Variants in TJP1 observed in about 807,000 individuals in gnomAD.
The protein encoded by TJP1 is tight junction protein ZO-1.
Under a neutral mutation model 194.2 loss-of-function variants are expected in TJP1, and 43 were observed. The ratio of observed to expected loss-of-function variants is 0.22; its 90% confidence interval spans 0.17 to 0.29. TJP1 has a LOEUF of 0.29. Among genes scored for constraint, TJP1 ranks in the 10% least tolerant of loss-of-function variants. The probability of loss-of-function intolerance (pLI) is 1.00; values close to 1 mark genes in which losing one functional copy is unlikely to be tolerated. For synonymous variants in TJP1, 801 were observed against 779.0 expected, an observed-to-expected ratio of 1.03 and a Z score of -0.47; for missense variants, 1,971 against 2,185.7, an observed-to-expected ratio of 0.90 and a Z score of 1.96.
In TJP1 at chr15:29,905,615, C is replaced by T. The variant is rs529711168; in HGVS notation, c.306+50617G>A. Among the ~76,000 whole-genome samples, 26 of 152,260 alleles carry T rather than the reference C, an allele frequency of 1.7e-4. No homozygotes were observed. The South Asian group carries it at 5.0e-3, about 29-fold the overall frequency. On this transcript the variant is annotated intron_variant, in intron 2 of 28. Coordinates refer to the TJP1 transcript ENST00000356107. ...CAAAACCTGGGAGTAACCAAGATGT[C>T]CTCAAACAGGTGAATGAATAAACAA...
At chr15:29,820,938 C>CCT (rs1216560141) in intron 1 of TJP1, among the ~76,000 whole-genome samples, 1 of 152,198 alleles carries the variant, frequency 6.6e-6, no homozygotes, top group Non-Finnish European at 1.5e-5. Context: ...GTTTCAGAGG[C>CCT]ATAGTATTCC....
chr15:29,716,025 G>A (rs1184519669), intron 23 of TJP1, among the ~76,000 whole-genome samples: 1 of 152,074 alleles, frequency 6.6e-6, no homozygotes, highest in Non-Finnish European at 1.5e-5. Flanking sequence ...ACAAACCCAC[G>A]CAGGCACAAG....
At chr15:29,794,190 A>G (rs1437515389) in intron 2 of TJP1, among the ~76,000 whole-genome samples, 1 of 152,182 alleles carries the variant, frequency 6.6e-6, no homozygotes, top group Non-Finnish European at 1.5e-5. Context: ...CAAACAAAAA[A>G]CAACCAAAAA....
In TJP1 at chr15:29,817,406, T is replaced by G. The variant is rs184191798; in HGVS notation, c.27+4596A>C. On this transcript the variant is annotated intron_variant, in intron 1 of 27. Coordinates refer to ENST00000614355, the MANE Select transcript of TJP1 (RefSeq NM_001330239.4). ...GTGGGAATGTAAATTAGTTCAACCA[T>G]TGTGGAAGATAGTATGGCAATTCCT... 3.3e-5 allele frequency among the ~76,000 whole-genome samples: 5 copies of G among 152,272 alleles called. No homozygotes were observed. In the East Asian group the frequency reaches 9.7e-4, roughly 29 times the overall value.
chr15:29,968,613 G>A, intron 1 of TJP1: 1 of 963,268 alleles, frequency 1.0e-6, no homozygotes, highest in Non-Finnish European at 1.2e-6. Context: ...TCCGGCCCCC[G>A]CCCCGCTCCG....
chr15:29,886,365 A>C (rs1471252702), intron 2 of TJP1, among the ~76,000 whole-genome samples: 1 of 152,146 alleles, frequency 6.6e-6, no homozygotes, highest in Admixed American at 6.5e-5. Context: ...AGAAAACAAA[A>C]CCTAAATATT....
intron 2 of TJP1, among the ~76,000 whole-genome samples, chr15:29,942,150 C>A (rs1449119063): frequency 1.3e-5 from 2 of 152,210 alleles, no homozygotes; most frequent in African/African-American, 2.4e-5. Context: ...TTCATTAAGA[C>A]CCAAATTTCT....
intron 2 of TJP1, among the ~76,000 whole-genome samples, chr15:29,799,572 G>A (rs1034995487): frequency 1.7e-4 from 26 of 151,704 alleles, no homozygotes; most frequent in Admixed American, 1.6e-3. Context: ...CCGCCACCAC[G>A]CCTGGCTAAT....
intron 2 of TJP1, among the ~76,000 whole-genome samples, chr15:29,909,156 CAA>C (rs1228556468): frequency 1.2e-4 from 10 of 84,020 alleles, no homozygotes; most frequent in Non-Finnish European, 1.4e-4. Context: ...GACTCCATCT[CAA>C]AAAAAAAAAA....
intron 2 of TJP1, among the ~76,000 whole-genome samples, chr15:29,791,419 T>TTC (rs1315841343): frequency 2.9e-5 from 4 of 136,716 alleles, no homozygotes; most frequent in East Asian, 4.2e-4. Flanking sequence ...TATTCTTTTT[T>TTC]TTTTTTTTTT....
intron 11 of TJP1, among the ~76,000 whole-genome samples, chr15:29,735,556 C>T (rs1218346382): frequency 1.4e-5 from 2 of 147,330 alleles, no homozygotes; most frequent in Admixed American, 6.8e-5. Context: ...CACTGCATTC[C>T]AGCCTGGGTG....
At chr15:29,838,660 T>C (rs985102193) in intron 2 of TJP1, among the ~76,000 whole-genome samples, 3 of 152,034 alleles carry the variant, frequency 2.0e-5, no homozygotes, top group Non-Finnish European at 4.4e-5. Flanking sequence ...TCTGCAACTT[T>C]ATCACAATGT....
At chr15:29,893,037 C>T (rs998776175) in intron 2 of TJP1, among the ~76,000 whole-genome samples, 18 of 152,240 alleles carry the variant, frequency 1.2e-4, no homozygotes, top group African/African-American at 4.1e-4. Context: ...ATTTTAGATG[C>T]CATTAAGAAT....
In TJP1 at chr15:29,761,213, C is replaced by T. The variant is rs1595794004; in HGVS notation, c.936G>A (p.Arg312=). 1 of 1,614,122 alleles carries T rather than the reference C, an allele frequency of 6.2e-7. No homozygotes were observed. The highest frequency in any genetic ancestry group is 8.5e-7 in the Non-Finnish European group (1 of 1,180,014). ...CTGACCGCTGGTCAGGAGATCGTGA[C>T]CGGCTGCGGCGGGGAGGCCTATCGT... ...RSHDRPPRRS[R]SRSPDQRSEP... is the part of the protein sequence containing the mutation. The change falls in exon 8 of 28, where the codon CGG becomes CGA. Residue 312 remains arginine, a synonymous_variant. Transcript: ENST00000614355.
At chr15:29,706,019 T>A (rs2041875743) in intron 25 of TJP1, among the ~76,000 whole-genome samples, 1 of 152,090 alleles carries the variant, frequency 6.6e-6, no homozygotes, top group African/African-American at 2.4e-5. Flanking sequence ...GCAACCTCCA[T>A]CTCCCAGGTT....
chr15:29,933,155 T>C (rs2054775307), intron 2 of TJP1, among the ~76,000 whole-genome samples: 1 of 152,176 alleles, frequency 6.6e-6, no homozygotes, highest in Admixed American at 6.5e-5. Context: ...TACATATACA[T>C]AGATGCACAA....
At chr15:29,916,328 T>C (rs1374437876) in intron 2 of TJP1, among the ~76,000 whole-genome samples, 1 of 151,972 alleles carries the variant, frequency 6.6e-6, no homozygotes, top group Non-Finnish European at 1.5e-5. Context: ...CTAGCATTTT[T>C]GTAAGGTCTC....
rs2046341699 is a variant in TJP1 at position 29,766,510 on chromosome 15, T to A, written c.345A>T (p.Pro115=). ...CTGGTTCAGGATCAGGACGACTTAC[T>A]GGTATTTGAACTTTCTTCTTCCTTC... ...TIRRKKKVQI[P]VSRPDPEPVS... The change falls in exon 5 of 28, where the codon CCA becomes CCT. Residue 115 remains proline (P), a synonymous_variant. Transcript: ENST00000614355. 6.3e-7 allele frequency: 1 copy of A among 1,585,028 alleles called. No individual in the cohort carries two copies. Among genetic ancestry groups the A allele is most frequent in the African/African-American group, 1.4e-5 (1 of 73,834 alleles).
rs546455004 is a variant in TJP1, at chr15:29,765,595, G to T, written c.589+671C>A. The stretch of plus-strand genomic sequence containing the variant: ...TTAAAAAAAACAGTCTGGAGTGAGG[G>T]GGAAGAAGTCCCAGCAGGGCACAGT... On this transcript the variant is annotated intron_variant, in intron 5 of 27. Coordinates refer to ENST00000614355, the MANE Select transcript of TJP1 (RefSeq NM_001330239.4). Among the ~76,000 whole-genome samples the T allele has an allele frequency of 4.0e-4, 61 of 152,190 alleles. 1 individual carries two copies. The highest frequency in any genetic ancestry group is 7.8e-4 in the Non-Finnish European group (53 of 68,012).
Sources: gnomAD v4.1 joint callset for allele counts (sites outside exome capture counted in the v4.1 genomes callset) on GRCh38, gnomAD v4.1.1 for gene constraint, MANE v1.5 for transcripts, NCBI Gene and HGNC (gene_info 2026-07-23, HGNC 2026-07-21) for gene names.